LAMA2: variants seen among roughly 807,000 people sequenced by gnomAD.
LAMA2 encodes the protein laminin subunit alpha-2.
In LAMA2, 269 loss-of-function variants were observed where a neutral mutation model predicts 364.8. That is an observed-to-expected ratio of 0.74 (90% CI 0.67 to 0.82). LAMA2 has a LOEUF of 0.82. Ranked by LOEUF, LAMA2 falls within the 40% of genes least tolerant of loss-of-function variation. The pLI is 0.00. For synonymous variants in LAMA2, 1,379 were observed against 1,370.6 expected (o/e 1.01, Z -0.14); for missense variants, 3,807 against 3,873.2 (o/e 0.98, Z 0.45).
intron 9 of LAMA2, among the ~76,000 whole-genome samples, chr6:129,173,587 TATA>T (rs1357250605): frequency 6.6e-6 from 1 of 152,186 alleles, no homozygotes; most frequent in Non-Finnish European, 1.5e-5. Context: ...AATTAATGCT[TATA>T]ATTCAAAAAT....
At chr6:129,259,107 C>T (rs1290879145) in intron 14 of LAMA2, among the ~76,000 whole-genome samples, 2 of 152,076 alleles carry the variant, frequency 1.3e-5, no homozygotes, top group African/African-American at 2.4e-5. Context: ...CATATATGAG[C>T]TCATACATAT....
At chr6:129,478,237 A>T (rs1246288143) in intron 53 of LAMA2, among the ~76,000 whole-genome samples, 1 of 127,042 alleles carries the variant, frequency 7.9e-6, no homozygotes, top group Admixed American at 8.8e-5. Context: ...AGCCTCAAAT[A>T]AAAAAAAATC....
At chr6:129,141,135 A>G (rs1262004250) in intron 4 of LAMA2, among the ~76,000 whole-genome samples, 1 of 152,072 alleles carries the variant, frequency 6.6e-6, no homozygotes, top group Non-Finnish European at 1.5e-5. Flanking sequence ...TTTTGGGGAC[A>G]GTCAAGAGAG....
chr6:129,486,063 G>T (rs1324821835), intron 55 of LAMA2, among the ~76,000 whole-genome samples: 2 of 152,236 alleles, frequency 1.3e-5, no homozygotes, highest in Non-Finnish European at 2.9e-5. Flanking sequence ...ACAAATTGAA[G>T]TCTAAATACT....
intron 4 of LAMA2, among the ~76,000 whole-genome samples, chr6:129,133,339 C>T (rs777595475): frequency 2.7e-4 from 41 of 152,114 alleles, no homozygotes; most frequent in Non-Finnish European, 5.0e-4. Flanking sequence ...TATGCAATTT[C>T]ACTCTACAGA....
chr6:129,487,154 T>C (rs1784632097), intron 56 of LAMA2, among the ~76,000 whole-genome samples: 1 of 152,202 alleles, frequency 6.6e-6, no homozygotes, highest in South Asian at 2.1e-4. Context: ...GCAGAGTGGC[T>C]TTCTGAGGGA....
intron 4 of LAMA2, among the ~76,000 whole-genome samples, chr6:129,114,931 T>C (rs777769621): frequency 1.3e-5 from 2 of 152,092 alleles, no homozygotes; most frequent in Non-Finnish European, 2.9e-5. Context: ...GCATATGTCA[T>C]TCATTTATGT....
At position 129,464,231 on chromosome 6, in the gene LAMA2, T is replaced by C. The variant is rs1783417546; in HGVS notation, c.6993-59T>C. The stretch of plus-strand genomic sequence containing the variant: ...GTCTCATTGCTATTCAGTGATGCAT[T>C]GAATAATGACAGACTGAATAGATAT... On this transcript the variant is annotated intron_variant, in intron 49 of 64. Transcript: ENST00000421865. The C allele has an allele frequency of 4.1e-6, 6 of 1,457,866 alleles. No individual in the cohort carries two copies. In the African/African-American group the frequency reaches 4.2e-5, roughly 10 times the overall value. The allele number at this position is 1,457,866 out of a possible 1,614,324, so 90.3% of individuals were successfully genotyped here.
chr6:129,324,744 A>T (rs113903807), intron 28 of LAMA2, among the ~76,000 whole-genome samples: 1 of 152,242 alleles, frequency 6.6e-6, no homozygotes, highest in Non-Finnish European at 1.5e-5. Flanking sequence ...AAGTATTTGC[A>T]TATCTAAACA....
At chr6:129,170,436 G>A (rs1404949879) in intron 9 of LAMA2, among the ~76,000 whole-genome samples, 1 of 129,568 alleles carries the variant, frequency 7.7e-6, no homozygotes, top group Middle Eastern at 3.6e-3. Context: ...TAGTCATTCA[G>A]GAGCAGGTTG....
intron 3 of LAMA2, among the ~76,000 whole-genome samples, chr6:129,065,926 C>T (rs1789266668): frequency 6.6e-6 from 1 of 151,970 alleles, no homozygotes; most frequent in African/African-American, 2.4e-5. Context: ...TGCTGCCATC[C>T]ATGTAAGACA....
intron 1 of LAMA2, among the ~76,000 whole-genome samples, chr6:129,022,751 A>T (rs1190843013): frequency 6.6e-6 from 1 of 152,210 alleles, no homozygotes; most frequent in Non-Finnish European, 1.5e-5. Context: ...CCGCCGACAC[A>T]ACTTTCTATT....
chr6:129,312,809 G>T, intron 22 of LAMA2, 52 bp from the exon 23 acceptor site: 1 of 1,243,638 alleles, frequency 8.0e-7, no homozygotes, highest in South Asian at 1.2e-5. Flanking sequence ...AAAATTTTAA[G>T]ATATTTCCCA....
chr6:129,434,088 A>G (rs2114753131), intron 41 of LAMA2, among the ~76,000 whole-genome samples: 1 of 152,332 alleles, frequency 6.6e-6, no homozygotes, highest in South Asian at 2.1e-4. Flanking sequence ...GAGATCGTAC[A>G]TAGTTAGTTC....
intron 8 of LAMA2, 44 bp from the exon 9 acceptor site, chr6:129,165,532 G>A (rs921960028): frequency 1.5e-6 from 2 of 1,336,358 alleles, no homozygotes; most frequent in Admixed American, 1.8e-5. Context: ...AAATATTGCT[G>A]TTTCTATTAC....
At chr6:129,004,501 T>C (rs1191925613) in intron 1 of LAMA2, among the ~76,000 whole-genome samples, 2 of 151,922 alleles carry the variant, frequency 1.3e-5, no homozygotes, top group Admixed American at 1.3e-4. Context: ...CTTGCACCTA[T>C]ATGTACTTCT....
chr6:129,272,142 T>C (rs1787982430), intron 17 of LAMA2, among the ~76,000 whole-genome samples: 1 of 152,198 alleles, frequency 6.6e-6, no homozygotes, highest in Admixed American at 6.5e-5. Flanking sequence ...TGGTATTATT[T>C]CACCTTCAAC....
At chr6:128,894,763 A>G (rs1036662213) in intron 1 of LAMA2, among the ~76,000 whole-genome samples, 3 of 152,228 alleles carry the variant, frequency 2.0e-5, no homozygotes, top group African/African-American at 7.2e-5. Context: ...GGTGAAAACT[A>G]AACTGACCAC....
At chr6:129,135,596 A>G (rs188668266) in intron 4 of LAMA2, among the ~76,000 whole-genome samples, 64 of 152,352 alleles carry the variant, frequency 4.2e-4, no homozygotes, top group African/African-American at 1.5e-3. Flanking sequence ...GTTGGAATAC[A>G]TGACTAATGA....
Sources: allele counts gnomAD v4.1 joint callset (sites outside exome capture counted in the v4.1 genomes callset), GRCh38; gene constraint gnomAD v4.1.1; transcripts MANE v1.5; gene names NCBI Gene and HGNC (gene_info 2026-07-23, HGNC 2026-07-21).